Variants in GPM6A observed in about 807,000 individuals in gnomAD.
GPM6A encodes the protein glycoprotein M6A, also known as neuronal membrane glycoprotein M6-a.
GPM6A carries 7 observed loss-of-function variants against 32.1 expected under a neutral mutation model. The ratio of observed to expected loss-of-function variants is 0.22; its 90% CI spans 0.12 to 0.41. The LOEUF (loss-of-function observed/expected upper bound fraction) is 0.41, where lower values mean the gene tolerates loss of function less well. Among genes scored for constraint, GPM6A ranks in the 10% least tolerant of loss-of-function variants. The pLI, the probability that GPM6A is intolerant of heterozygous loss-of-function variation, is 1.00. For synonymous variants in GPM6A, 130 were observed against 123.4 expected (o/e 1.05, Z -0.35); for missense variants, 235 against 347.2 (o/e 0.68, Z 2.57).
intron 1 of GPM6A, among the ~76,000 whole-genome samples, chr4:175,703,319 ACG>A (rs1560885341): frequency 1.3e-5 from 2 of 151,768 alleles, no homozygotes; most frequent in East Asian, 1.9e-4. Flanking sequence ...CTACTGGCGC[ACG>A]TCACCACACC....
intron 1 of GPM6A, among the ~76,000 whole-genome samples, chr4:175,980,340 G>C (rs1740784015): frequency 6.6e-6 from 1 of 152,168 alleles, no homozygotes; most frequent in African/African-American, 2.4e-5. Flanking sequence ...CTGGGCAACA[G>C]AGTGAGACCC....
chr4:175,887,788 TG>T (rs1357262796), intron 1 of GPM6A, among the ~76,000 whole-genome samples: 3 of 151,926 alleles, frequency 2.0e-5, no homozygotes, highest in Admixed American at 1.3e-4. Flanking sequence ...ATATTTTAAG[TG>T]TTTCAAAATG....
intron 1 of GPM6A, among the ~76,000 whole-genome samples, chr4:175,859,351 A>G (rs952576): frequency 6.6e-6 from 1 of 152,216 alleles, no homozygotes; most frequent in Admixed American, 6.5e-5. Flanking sequence ...TGGAGCCTTA[A>G]AGTCTGGGAA....
chr4:175,884,753 C>G (rs755469283), intron 1 of GPM6A, among the ~76,000 whole-genome samples: 1 of 151,910 alleles, frequency 6.6e-6, no homozygotes, highest in African/African-American at 2.4e-5. Context: ...AGGTTGGTCT[C>G]GAACTCCTGA....
At chr4:175,715,013 C>A (rs77245903) in intron 1 of GPM6A, among the ~76,000 whole-genome samples, 1 of 141,212 alleles carries the variant, frequency 7.1e-6, no homozygotes. Flanking sequence ...AAAAAAAAAA[C>A]TAGCTTGAAT....
At chr4:175,832,091 G>A (rs1735633983) in intron 1 of GPM6A, among the ~76,000 whole-genome samples, 1 of 149,528 alleles carries the variant, frequency 6.7e-6, no homozygotes. Context: ...CTAGATCAGA[G>A]CCCCCTTGAT....
intron 3 of GPM6A, among the ~76,000 whole-genome samples, chr4:175,653,216 C>T (rs971274443): frequency 2.6e-5 from 4 of 151,930 alleles, no homozygotes; most frequent in Admixed American, 6.6e-5. Context: ...AGTTATATTG[C>T]GATTAACATA....
chr4:175,701,997 C>T (rs1421086144), intron 1 of GPM6A, among the ~76,000 whole-genome samples: 1 of 152,126 alleles, frequency 6.6e-6, no homozygotes, highest in Non-Finnish European at 1.5e-5. Flanking sequence ...CCTCATCTAC[C>T]GCAAAACCTA....
chr4:175,943,888 G>A (rs2126351458), intron 1 of GPM6A, among the ~76,000 whole-genome samples: 1 of 152,294 alleles, frequency 6.6e-6, no homozygotes, highest in South Asian at 2.1e-4. Context: ...GATGATGCCG[G>A]CCTCATAAAA....
At position 175,962,319 on chromosome 4, in the gene GPM6A, G is replaced by T. The variant is rs1740192881; in HGVS notation, c.-23+39990C>A. 11 of 988,072 alleles carry T rather than the reference G, an allele frequency of 1.1e-5. No individual in the cohort carries two copies. The South Asian group carries it at 1.1e-4, about 10-fold the overall frequency. 61.2% of individuals were successfully genotyped at this position (988,072 alleles called of 1,614,324 possible). The stretch of plus-strand genomic sequence containing the variant: ...AGTAAAAGTGAGTTTACTGGGTCCT[G>T]TGGCCACTCCTGAACATCAGCTTCT... On this transcript the variant is annotated intron_variant, in intron 1 of 7. Transcript: ENST00000280187.
At chr4:175,635,205 C>A (rs1203535598) in intron 6 of GPM6A, 148 bp from the exon 7 acceptor site, 40 of 648,866 alleles carry the variant, frequency 6.2e-5, no homozygotes, top group Non-Finnish European at 1.0e-4. Context: ...GTAACAGAAA[C>A]AATATAAAAT....
At chr4:175,791,232 G>A (rs1037726782) in intron 1 of GPM6A, among the ~76,000 whole-genome samples, 2 of 152,186 alleles carry the variant, frequency 1.3e-5, no homozygotes, top group Admixed American at 1.3e-4. Flanking sequence ...TAAATAAAAT[G>A]TATAGATAGA....
At chr4:175,755,024 G>T (rs1047342798) in intron 1 of GPM6A, among the ~76,000 whole-genome samples, 4 of 151,020 alleles carry the variant, frequency 2.6e-5, no homozygotes, top group African/African-American at 9.8e-5. Context: ...TATGTCTCAA[G>T]AATTAAAGAA....
intron 1 of GPM6A, among the ~76,000 whole-genome samples, chr4:175,870,091 T>C (rs982370599): frequency 2.0e-5 from 3 of 152,210 alleles, no homozygotes; most frequent in Admixed American, 6.5e-5. Flanking sequence ...ACAAACTGAA[T>C]TGCCATAGTA....
chr4:175,979,248 A>T (rs144766116), intron 1 of GPM6A, among the ~76,000 whole-genome samples: 2 of 152,334 alleles, frequency 1.3e-5, no homozygotes, highest in Admixed American at 6.5e-5. Context: ...TCAAGCAAGC[A>T]TCAATTTATA....
chr4:175,788,649 C>T (rs562879960), intron 1 of GPM6A, among the ~76,000 whole-genome samples: 1 of 149,108 alleles, frequency 6.7e-6, no homozygotes, highest in Non-Finnish European at 1.5e-5. Flanking sequence ...ATTTGCATAG[C>T]AGAAAATGAA....
intron 1 of GPM6A, among the ~76,000 whole-genome samples, chr4:175,895,438 T>C (rs1737767287): frequency 6.6e-6 from 1 of 152,162 alleles, no homozygotes; most frequent in Non-Finnish European, 1.5e-5. Context: ...TTATTGCCAA[T>C]TGGAAAAAAC....
At chr4:175,919,721 G>C (rs562428919) in intron 1 of GPM6A, among the ~76,000 whole-genome samples, 4 of 152,218 alleles carry the variant, frequency 2.6e-5, no homozygotes, top group Admixed American at 2.6e-4. Flanking sequence ...ACTCCTAAAT[G>C]GTCACATTTC....
chr4:175,910,142 C>T (rs571067673), intron 1 of GPM6A, among the ~76,000 whole-genome samples: 223 of 152,176 alleles, frequency 1.5e-3, no homozygotes, highest in South Asian at 3.9e-3. Flanking sequence ...CACAGGATCG[C>T]AGTGTTCCTG....
Sources: gnomAD v4.1 joint callset for allele counts (sites outside exome capture counted in the v4.1 genomes callset) on GRCh38, gnomAD v4.1.1 for gene constraint, MANE v1.5 for transcripts, NCBI Gene and HGNC (gene_info 2026-07-23, HGNC 2026-07-21) for gene names.